TFPI: variants seen among roughly 807,000 people sequenced by gnomAD.
The protein encoded by TFPI is anti-convertin.
A neutral mutation model predicts 34.6 loss-of-function variants in TFPI; 15 were observed. The ratio of observed to expected loss-of-function variants is 0.43; its 90% CI spans 0.29 to 0.67. TFPI has a LOEUF of 0.67. Ranked by LOEUF, TFPI falls within the 30% of genes least tolerant of loss-of-function variation. The pLI, the probability that TFPI is intolerant of heterozygous loss-of-function variation, is 0.15. For missense variants in TFPI, 301 were observed against 364.0 expected, an observed-to-expected ratio of 0.83 and a Z score of 1.41; for synonymous variants, 105 against 120.1, an observed-to-expected ratio of 0.87 and a Z score of 0.82.
At chr2:187,518,473 C>G (rs1176646790) in intron 1 of TFPI, 1 of 152,222 alleles carries the variant, frequency 6.6e-6, no homozygotes, top group Non-Finnish European at 1.5e-5. Flanking sequence ...TGGCCCCACT[C>G]TCTTCTGGCT....
intron 4 of TFPI, among the ~76,000 whole-genome samples, chr2:187,488,035 T>G (rs1693411766): frequency 6.6e-6 from 1 of 151,352 alleles, no homozygotes; most frequent in Non-Finnish European, 1.5e-5. Flanking sequence ...ACATTAGAAT[T>G]AGAGTAAATA....
At chr2:187,496,484 T>A (rs8176452) in intron 3 of TFPI, among the ~76,000 whole-genome samples, 5,401 of 152,184 alleles carry the variant, frequency 0.035, 287 homozygotes, top group African/African-American at 0.11. Context: ...TGAACATGAG[T>A]TGAGGTTTTT....
intron 1 of TFPI, among the ~76,000 whole-genome samples, chr2:187,521,871 A>C (rs1390749382): frequency 6.6e-6 from 1 of 151,962 alleles, no homozygotes; most frequent in South Asian, 2.1e-4. Flanking sequence ...CAGGCCCAGC[A>C]TTCCAATTTC....
At chr2:187,541,388 G>A (rs955875918) in intron 1 of TFPI, among the ~76,000 whole-genome samples, 3 of 152,248 alleles carry the variant, frequency 2.0e-5, no homozygotes, top group Admixed American at 6.5e-5. Flanking sequence ...CTTTAGCAAA[G>A]GAGTCAATTG....
At chr2:187,541,568 G>A (rs1166135231) in intron 1 of TFPI, among the ~76,000 whole-genome samples, 1 of 152,206 alleles carries the variant, frequency 6.6e-6, no homozygotes, top group Non-Finnish European at 1.5e-5. Context: ...AGAGGTCTCT[G>A]CTGGAGACAA....
intron 2 of TFPI, 144 bp downstream of exon 2, chr2:187,503,504 C>CAA: frequency 1.3e-6 from 1 of 761,586 alleles, no homozygotes; most frequent in Non-Finnish European, 2.0e-6. Flanking sequence ...CACACACATA[C>CAA]ATTAGGTATA....
intron 1 of TFPI, among the ~76,000 whole-genome samples, chr2:187,528,296 G>A (rs1237956306): frequency 1.3e-5 from 2 of 152,076 alleles, no homozygotes; most frequent in African/African-American, 4.8e-5. Context: ...GTCAAACCCT[G>A]AATGAATGGA....
intron 2 of TFPI, among the ~76,000 whole-genome samples, chr2:187,498,518 G>A (rs1685638739): frequency 6.6e-6 from 1 of 151,698 alleles, no homozygotes; most frequent in African/African-American, 2.4e-5. Flanking sequence ...ATCTTGGAAG[G>A]ATTAAAGATA....
At chr2:187,523,997 A>G (rs891766152) in intron 1 of TFPI, among the ~76,000 whole-genome samples, 1 of 152,114 alleles carries the variant, frequency 6.6e-6, no homozygotes, top group Non-Finnish European at 1.5e-5. Flanking sequence ...GTTAAATGGA[A>G]TAATATAATA....
chr2:187,503,853 C>A (rs1686016630), intron 1 of TFPI, 83 bp from the exon 2 acceptor site: 1 of 1,434,664 alleles, frequency 7.0e-7, no homozygotes, highest in Non-Finnish European at 9.5e-7. Flanking sequence ...CATATGTGTA[C>A]CTCATATGCA....
At chr2:187,511,364 A>G (rs1686619517) in intron 1 of TFPI, among the ~76,000 whole-genome samples, 2 of 151,956 alleles carry the variant, frequency 1.3e-5, no homozygotes, top group South Asian at 4.2e-4. Context: ...CCTGGCTTGG[A>G]TTTCTTGATA....
At chr2:187,522,783 C>T (rs1246377651) in intron 1 of TFPI, among the ~76,000 whole-genome samples, 6 of 149,282 alleles carry the variant, frequency 4.0e-5, no homozygotes, top group African/African-American at 9.9e-5. Flanking sequence ...CCCAACTACT[C>T]GGGAGGCTGA....
At chr2:187,498,976 G>C (rs1685669490) in intron 2 of TFPI, among the ~76,000 whole-genome samples, 1 of 151,852 alleles carries the variant, frequency 6.6e-6, no homozygotes, top group South Asian at 2.1e-4. Flanking sequence ...TATAATGTTT[G>C]TGTTTACCAA....
intron 1 of TFPI, among the ~76,000 whole-genome samples, chr2:187,538,644 G>T (rs888639984): frequency 2.0e-4 from 31 of 152,272 alleles, no homozygotes; most frequent in Admixed American, 1.9e-3. Context: ...TAGATGATGG[G>T]TTGATGGGTG....
At chr2:187,542,791 C>A (rs138094456) in intron 1 of TFPI, among the ~76,000 whole-genome samples, 1 of 147,744 alleles carries the variant, frequency 6.8e-6, no homozygotes, top group East Asian at 2.0e-4. Flanking sequence ...TGCTTGAACC[C>A]GGGAGATGGA....
chr2:187,481,668 G>GGGGAA lies in TFPI; in HGVS notation c.628+2451_628+2455dup, dbSNP rs763455440. Among the ~76,000 whole-genome samples, 213 of 151,570 alleles carry GGGGAA rather than the reference G, an allele frequency of 1.4e-3. 1 individual carries two copies. The highest frequency in any genetic ancestry group is 2.0e-3 in the African/African-American group (82 of 41,360). On this transcript the variant is annotated intron_variant, in intron 6 of 7. Coordinates refer to ENST00000233156, the MANE Select transcript of TFPI (RefSeq NM_006287.6). ...AAGGGAGGGAAGGGAGGGGAGGGGCGGGGAAGGGAAGGGAAGGAAATGCTC... is the reference window on the plus strand; with the variant it reads ...AAGGGAGGGAAGGGAGGGGAGGGGCGGGGAAGGGAAGGGAAGGGAAGGAAATGCTC...
At chr2:187,521,477 A>G (rs747037341) in intron 1 of TFPI, among the ~76,000 whole-genome samples, 1 of 152,120 alleles carries the variant, frequency 6.6e-6, no homozygotes, top group African/African-American at 2.4e-5. Context: ...GCTGGGTTGT[A>G]TGGCAGTTTT....
chr2:187,540,618 G>C (rs1203368214), intron 1 of TFPI, among the ~76,000 whole-genome samples: 1 of 151,966 alleles, frequency 6.6e-6, no homozygotes, highest in African/African-American at 2.4e-5. Context: ...AGCCAGGAGG[G>C]GTGGCTCACG....
At chr2:187,538,295 T>C (rs541453789) in intron 1 of TFPI, among the ~76,000 whole-genome samples, 6 of 152,350 alleles carry the variant, frequency 3.9e-5, no homozygotes, top group East Asian at 1.9e-4. Flanking sequence ...AGTATGTTTA[T>C]TGCAGCACTA....
Sources: allele counts gnomAD v4.1 joint callset (sites outside exome capture counted in the v4.1 genomes callset), GRCh38; gene constraint gnomAD v4.1.1; transcripts MANE v1.5; gene names NCBI Gene and HGNC (gene_info 2026-07-23, HGNC 2026-07-21).